Variants in CNTNAP2 observed in about 807,000 individuals in gnomAD.
CNTNAP2 encodes the protein contactin associated protein 2.
In CNTNAP2, 98 loss-of-function variants were observed where a neutral mutation model predicts 155.2. That is an observed-to-expected ratio of 0.63 (90% CI 0.54 to 0.75). The LOEUF (loss-of-function observed/expected upper bound fraction) is 0.75, where lower values mean the gene tolerates loss of function less well. CNTNAP2 is among the 30% of genes least tolerant of loss of function. The pLI, the probability that CNTNAP2 is intolerant of heterozygous loss-of-function variation, is 0.00. For synonymous variants in CNTNAP2, 651 were observed against 631.2 expected, an observed-to-expected ratio of 1.03 and a Z score of -0.47; for missense variants, 1,727 against 1,688.1, an observed-to-expected ratio of 1.02 and a Z score of -0.40.
At chr7:148,019,766 T>C (rs1187864271) in intron 15 of CNTNAP2, among the ~76,000 whole-genome samples, 1 of 151,666 alleles carries the variant, frequency 6.6e-6, no homozygotes, top group Admixed American at 6.6e-5. Context: ...CTCAGGGTAT[T>C]CTTTTTTTGG....
intron 10 of CNTNAP2, among the ~76,000 whole-genome samples, chr7:147,397,984 C>T (rs1796847877): frequency 6.6e-6 from 1 of 151,938 alleles, no homozygotes; most frequent in Admixed American, 6.6e-5. Flanking sequence ...TTTAAGGCAA[C>T]AACATCTGTA....
chr7:147,052,627 T>C (rs969411924), intron 4 of CNTNAP2, among the ~76,000 whole-genome samples: 3 of 152,034 alleles, frequency 2.0e-5, no homozygotes, highest in Non-Finnish European at 4.4e-5. Flanking sequence ...GTATAACTTG[T>C]ATTATTATTT....
chr7:146,823,199 T>C (rs1031704836), intron 2 of CNTNAP2, among the ~76,000 whole-genome samples: 2 of 149,640 alleles, frequency 1.3e-5, no homozygotes, highest in African/African-American at 2.4e-5. Context: ...ATACTCATTC[T>C]TCAGTATATT....
At chr7:147,661,557 T>TC (rs1251498911) in intron 13 of CNTNAP2, among the ~76,000 whole-genome samples, 3 of 66,996 alleles carry the variant, frequency 4.5e-5, no homozygotes, top group Non-Finnish European at 5.0e-5. Flanking sequence ...TTCTTCTTCT[T>TC]TTTTTTTTTT....
chr7:146,593,710 A>G (rs769254088), intron 1 of CNTNAP2, among the ~76,000 whole-genome samples: 2 of 152,076 alleles, frequency 1.3e-5, no homozygotes, highest in Non-Finnish European at 2.9e-5. Flanking sequence ...CTCATTTGCA[A>G]TGCTCATCCC....
At chr7:148,252,827 A>G (rs1160242731) in intron 20 of CNTNAP2, among the ~76,000 whole-genome samples, 3 of 151,994 alleles carry the variant, frequency 2.0e-5, no homozygotes, top group Non-Finnish European at 4.4e-5. Context: ...CCACTATTAT[A>G]TACAATAACA....
At chr7:146,661,655 G>A (rs1487299239) in intron 1 of CNTNAP2, among the ~76,000 whole-genome samples, 2 of 151,614 alleles carry the variant, frequency 1.3e-5, no homozygotes, top group African/African-American at 4.8e-5. Flanking sequence ...ATTTATGTAT[G>A]TGCCAGAGTT....
chr7:146,733,415 CA>C (rs1241899684), intron 1 of CNTNAP2, among the ~76,000 whole-genome samples: 2 of 146,924 alleles, frequency 1.4e-5, no homozygotes, highest in South Asian at 4.8e-4. Context: ...TAATTAACTG[CA>C]AAAAACAAAA....
chr7:147,004,860 A>G (rs1798496546), intron 3 of CNTNAP2, among the ~76,000 whole-genome samples: 1 of 152,132 alleles, frequency 6.6e-6, no homozygotes, highest in Admixed American at 6.6e-5. Flanking sequence ...CAACTAGATA[A>G]TATGGAATAT....
At chr7:148,163,648 G>A (rs532042232) in intron 17 of CNTNAP2, among the ~76,000 whole-genome samples, 5 of 152,296 alleles carry the variant, frequency 3.3e-5, no homozygotes, top group African/African-American at 1.2e-4. Context: ...TATTGATGGA[G>A]TTATGAATGA....
chr7:147,572,989 A>G (rs1563003409), intron 12 of CNTNAP2, among the ~76,000 whole-genome samples: 1 of 152,286 alleles, frequency 6.6e-6, no homozygotes, highest in South Asian at 2.1e-4. Flanking sequence ...TATAGCAGCT[A>G]ATCTCTCTTT....
At chr7:146,303,528 C>T (rs115385682) in intron 1 of CNTNAP2, among the ~76,000 whole-genome samples, 3,867 of 152,120 alleles carry the variant, frequency 0.025, 165 homozygotes, top group African/African-American at 0.089. Flanking sequence ...TGTTGCATAA[C>T]TGAACTTTAT....
intron 15 of CNTNAP2, among the ~76,000 whole-genome samples, chr7:148,051,350 C>T (rs923669061): frequency 2.0e-5 from 3 of 151,608 alleles, no homozygotes; most frequent in East Asian, 3.9e-4. Flanking sequence ...TATGTCCTGG[C>T]GGGAGTTGGT....
At chr7:146,218,142 C>T (rs1412870866) in intron 1 of CNTNAP2, among the ~76,000 whole-genome samples, 2 of 152,170 alleles carry the variant, frequency 1.3e-5, no homozygotes, top group Non-Finnish European at 2.9e-5. Context: ...GATCCCCAAA[C>T]CACGTGAGAG....
chr7:147,969,130 G>A (rs1801284042), intron 14 of CNTNAP2, among the ~76,000 whole-genome samples: 3 of 152,176 alleles, frequency 2.0e-5, no homozygotes, highest in Admixed American at 6.5e-5. Context: ...GCTCACTGAA[G>A]CCTCGACTTC....
At chr7:147,179,369 A>G (rs767611887) in intron 8 of CNTNAP2, among the ~76,000 whole-genome samples, 1 of 152,190 alleles carries the variant, frequency 6.6e-6, no homozygotes, top group Non-Finnish European at 1.5e-5. Flanking sequence ...AGACAATATT[A>G]TAATGAAACA....
chr7:147,500,483 C>G, intron 11 of CNTNAP2, among the ~76,000 whole-genome samples: 1 of 152,072 alleles, frequency 6.6e-6, no homozygotes, highest in Non-Finnish European at 1.5e-5. Context: ...GACATAAGCT[C>G]TCTATCCACT....
chr7:147,326,135 A>C (rs1024166928), intron 9 of CNTNAP2, among the ~76,000 whole-genome samples: 7 of 152,184 alleles, frequency 4.6e-5, no homozygotes, highest in African/African-American at 7.2e-5. Flanking sequence ...CGTGTTAGCC[A>C]GGATGGTCTC....
chr7:148,393,098 A>G (rs1368949267), intron 22 of CNTNAP2, among the ~76,000 whole-genome samples: 1 of 152,226 alleles, frequency 6.6e-6, no homozygotes, highest in Non-Finnish European at 1.5e-5. Flanking sequence ...AGTTATGGAT[A>G]TAAAGAACTT....
Sources: gnomAD v4.1 joint callset for allele counts (sites outside exome capture counted in the v4.1 genomes callset) on GRCh38, gnomAD v4.1.1 for gene constraint, MANE v1.5 for transcripts, NCBI Gene and HGNC (gene_info 2026-07-23, HGNC 2026-07-21) for gene names.